The following SUFU variants were observed in gnomAD, a reference collection of about 807,000 sequenced individuals.
The protein encoded by SUFU is SUFU negative regulator of hedgehog signaling.
In SUFU, 7 loss-of-function variants were observed where a neutral mutation model predicts 58.9. The observed-to-expected ratio is 0.12, with a 90% confidence interval of 0.07 to 0.22. The LOEUF is 0.22. Ranked by LOEUF, SUFU falls within the 10% of genes least tolerant of loss-of-function variation. SUFU has a pLI of 1.00. For synonymous variants in SUFU, 232 were observed against 254.8 expected, an observed-to-expected ratio of 0.91 and a Z score of 0.85; for missense variants, 451 against 641.3, an observed-to-expected ratio of 0.70 and a Z score of 3.20.
At chr10:102,611,006 G>A (rs1269866966) in intron 8 of SUFU, among the ~76,000 whole-genome samples, 1 of 152,208 alleles carries the variant, frequency 6.6e-6, no homozygotes, top group Non-Finnish European at 1.5e-5. Context: ...TCCTGGACAA[G>A]AGAGATCATA....
At chr10:102,615,511 G>A (rs2063677025) in intron 9 of SUFU, 109 bp downstream of exon 9, 3 of 1,546,934 alleles carry the variant, frequency 1.9e-6, no homozygotes, top group Non-Finnish European at 2.7e-6. Flanking sequence ...GTCCTCCAGG[G>A]CCTCCAAGGA....
chr10:102,611,550 A>G (rs964765768), intron 8 of SUFU, among the ~76,000 whole-genome samples: 4 of 152,230 alleles, frequency 2.6e-5, no homozygotes, highest in Non-Finnish European at 4.4e-5. Flanking sequence ...TGGCCTGGCC[A>G]GAGGCAGTTG....
chr10:102,516,125 C>CTTTTTTTTTTTTTTTTTTTT (rs60544094), intron 2 of SUFU, among the ~76,000 whole-genome samples: 3 of 125,584 alleles, frequency 2.4e-5, no homozygotes, highest in Admixed American at 8.2e-5. Context: ...TCTTTCTTTT[C>CTTTTTTTTTTTTTTTTTTTT]TTTTTTTTTT....
At chr10:102,588,464 A>G (rs1044200149) in intron 3 of SUFU, among the ~76,000 whole-genome samples, 2 of 151,880 alleles carry the variant, frequency 1.3e-5, no homozygotes, top group East Asian at 1.9e-4. Context: ...TCTCAATTCT[A>G]TTACATTGAT....
chr10:102,566,764 CA>C lies in SUFU; in HGVS notation c.454+16678del, dbSNP rs1213985884. 7.2e-3 allele frequency among the ~76,000 whole-genome samples: 530 copies of C among 73,524 alleles called. 8 individuals are homozygous for C. The highest frequency in any genetic ancestry group is 0.029 in the Middle Eastern group (3 of 104). The allele number at this position is 73,524 out of a possible 152,430, so 48.2% of individuals were successfully genotyped here. A position where few individuals can be genotyped will look rare whatever the true frequency, so the allele number is the denominator to read the frequency against. On this transcript the variant is annotated intron_variant, in intron 3 of 11. Transcript: ENST00000369902. ...CAGGCAATAATGTGAGACTCTGTCT[CA>C]AAAAAAAAAAAAAAAAAAAGTACAG...
intron 3 of SUFU, among the ~76,000 whole-genome samples, chr10:102,583,868 C>G (rs1036425826): frequency 3.3e-5 from 5 of 152,112 alleles, no homozygotes; most frequent in Admixed American, 6.6e-5. Context: ...CTCCCCACCC[C>G]ACAACAGGCC....
At chr10:102,521,463 G>C (rs1174881383) in intron 2 of SUFU, among the ~76,000 whole-genome samples, 1 of 152,166 alleles carries the variant, frequency 6.6e-6, no homozygotes, top group Non-Finnish European at 1.5e-5. Flanking sequence ...GCCTACCTCT[G>C]AATTCCTAAG....
chr10:102,591,356 C>T (rs2063398559), intron 3 of SUFU, among the ~76,000 whole-genome samples: 1 of 152,024 alleles, frequency 6.6e-6, no homozygotes, highest in Non-Finnish European at 1.5e-5. Context: ...AAAAATTAGC[C>T]AGGTGTGGTG....
chr10:102,516,186 C>T (rs2062468314), intron 2 of SUFU, among the ~76,000 whole-genome samples: 1 of 134,724 alleles, frequency 7.4e-6, no homozygotes, highest in Non-Finnish European at 1.5e-5. Context: ...AGTGCAGTGA[C>T]ACGACCTCGA....
intron 8 of SUFU, among the ~76,000 whole-genome samples, chr10:102,611,507 G>A (rs2063622571): frequency 6.6e-6 from 1 of 152,206 alleles, no homozygotes; most frequent in Non-Finnish European, 1.5e-5. Flanking sequence ...CCTCTCCCAA[G>A]CTCCAGGCAA....
At chr10:102,548,980 G>C (rs1237988832) in intron 2 of SUFU, among the ~76,000 whole-genome samples, 1 of 152,174 alleles carries the variant, frequency 6.6e-6, no homozygotes, top group East Asian at 1.9e-4. Context: ...GGAGTGCCAG[G>C]TTTCAGGAAG....
intron 2 of SUFU, among the ~76,000 whole-genome samples, chr10:102,522,344 G>A (rs2062560544): frequency 6.6e-6 from 1 of 152,214 alleles, no homozygotes; most frequent in African/African-American, 2.4e-5. Context: ...CTGAGGGGTT[G>A]TGTTCTTCCA....
At chr10:102,599,894 C>T (rs911708301) in intron 8 of SUFU, among the ~76,000 whole-genome samples, 1 of 152,198 alleles carries the variant, frequency 6.6e-6, no homozygotes, top group Non-Finnish European at 1.5e-5. Context: ...CAGTCTTGGC[C>T]AGAGTTGCCC....
chr10:102,562,706 C>T (rs1167606534), intron 3 of SUFU, among the ~76,000 whole-genome samples: 1 of 152,138 alleles, frequency 6.6e-6, no homozygotes, highest in East Asian at 1.9e-4. Flanking sequence ...GGCTGGACAA[C>T]ATGGTGAAAC....
intron 2 of SUFU, among the ~76,000 whole-genome samples, chr10:102,515,822 T>TG (rs1332662988): frequency 6.6e-6 from 1 of 152,134 alleles, no homozygotes; most frequent in Non-Finnish European, 1.5e-5. Flanking sequence ...GCAGGCTCAT[T>TG]GGGGGGCACA....
In SUFU at chr10:102,510,619, C is replaced by T. The variant is rs191368378; in HGVS notation, c.317+1316C>T. Among the ~76,000 whole-genome samples the T allele has an allele frequency of 3.3e-3, 491 of 149,480 alleles. 6 individuals carry two copies. The highest frequency in any genetic ancestry group is 0.011 in the African/African-American group (460 of 40,782). ...GGTGGCTCACTTGAGGTCAGGAGTTCGAGACCAGCCCGGCCAACATGGTGA... is the reference window on the plus strand; with the variant it reads ...GGTGGCTCACTTGAGGTCAGGAGTTTGAGACCAGCCCGGCCAACATGGTGA... On this transcript the variant is annotated intron_variant, in intron 2 of 11. Transcript: ENST00000369902.
chr10:102,603,273 T>C (rs933922808), intron 8 of SUFU, among the ~76,000 whole-genome samples: 4 of 152,138 alleles, frequency 2.6e-5, no homozygotes, highest in African/African-American at 9.7e-5. Context: ...GTGATCCTCC[T>C]ACCTTGGCCT....
rs925573870 is a variant in SUFU at position 102,617,633 on chromosome 10, C to T, written c.1296+205C>T. ...CAGCAGCTTAGGAGCACTTCCTGAC[C>T]TTCTCCCCCTGTCACCTGAGACACA... On this transcript the variant is annotated intron_variant, in intron 10 of 11. Transcript: ENST00000369902. The surrounding 1 kb of genome is among the most constrained non-coding windows in gnomAD (Gnocchi z 4.4). The T allele has an allele frequency of 1.5e-6, 1 of 649,832 alleles. No individual in the cohort carries two copies. The highest frequency in any genetic ancestry group is 1.9e-5 in the South Asian group (1 of 51,762). The allele number at this position is 649,832 out of a possible 1,614,324, so 40.3% of individuals were successfully genotyped here. A position where few individuals can be genotyped will look rare whatever the true frequency, so the allele number is the denominator to read the frequency against.
chr10:102,606,729 G>T (rs1459195997), intron 8 of SUFU, among the ~76,000 whole-genome samples: 1 of 152,162 alleles, frequency 6.6e-6, no homozygotes, highest in Non-Finnish European at 1.5e-5. Flanking sequence ...CCCTGAAGGT[G>T]GCAGTTCAGG....
Sources: gnomAD v4.1 joint callset for allele counts (sites outside exome capture counted in the v4.1 genomes callset) on GRCh38, gnomAD v4.1.1 for gene constraint, Gnocchi (gnomAD v3.1) non-coding constraint, MANE v1.5 for transcripts, NCBI Gene and HGNC (gene_info 2026-07-23, HGNC 2026-07-21) for gene names.